SYNPR: variants seen among roughly 807,000 people sequenced by gnomAD.
SYNPR encodes the protein synaptoporin.
A neutral mutation model predicts 32.9 loss-of-function variants in SYNPR; 23 were observed. The observed-to-expected ratio is 0.70, with a 90% CI of 0.50 to 0.99. The LOEUF (loss-of-function observed/expected upper bound fraction) is 0.99. Ranked by LOEUF, SYNPR falls within the 50% of genes least tolerant of loss-of-function variation. The pLI is 0.00. For synonymous variants in SYNPR, 146 were observed against 135.9 expected, an observed-to-expected ratio of 1.07 and a Z score of -0.52; for missense variants, 318 against 349.3, an observed-to-expected ratio of 0.91 and a Z score of 0.71.
chr3:63,265,457 G>A (rs1420732865), intron 2 of SYNPR, among the ~76,000 whole-genome samples: 1 of 151,896 alleles, frequency 6.6e-6, no homozygotes. Context: ...TCACCATGTT[G>A]GCCAGGCTGG....
intron 2 of SYNPR, among the ~76,000 whole-genome samples, chr3:63,463,131 A>G (rs535956493): frequency 3.9e-5 from 6 of 152,174 alleles, no homozygotes; most frequent in Non-Finnish European, 8.8e-5. Flanking sequence ...TGGGTTTCTC[A>G]GAAGGATTCT....
chr3:63,568,329 G>A (rs1702828208), intron 4 of SYNPR, among the ~76,000 whole-genome samples: 1 of 152,156 alleles, frequency 6.6e-6, no homozygotes, highest in Admixed American at 6.5e-5. Flanking sequence ...TCACCACAGT[G>A]CTGTATTGCC....
intron 2 of SYNPR, among the ~76,000 whole-genome samples, chr3:63,457,431 A>C (rs1277611432): frequency 1.3e-5 from 2 of 151,944 alleles, no homozygotes; most frequent in African/African-American, 4.8e-5. Flanking sequence ...TAGGATATTT[A>C]TGTCTCACCA....
At chr3:63,232,751 A>T (rs910815738) in intron 1 of SYNPR, among the ~76,000 whole-genome samples, 2 of 152,140 alleles carry the variant, frequency 1.3e-5, no homozygotes, top group African/African-American at 4.8e-5. Flanking sequence ...TTAACATCCT[A>T]TAATTGCTGT....
chr3:63,569,507 T>C (rs1702849354), intron 4 of SYNPR, among the ~76,000 whole-genome samples: 1 of 152,210 alleles, frequency 6.6e-6, no homozygotes, highest in Admixed American at 6.5e-5. Flanking sequence ...TAAAAATAAC[T>C]TGTTCTAAGG....
upstream of SYNPR, among the ~76,000 whole-genome samples, chr3:63,225,780 C>T (rs906147501): frequency 8.5e-5 from 13 of 152,048 alleles, no homozygotes; most frequent in African/African-American, 2.4e-4. Context: ...AAAGCATAGA[C>T]GATTAAAGCA....
intron 4 of SYNPR, among the ~76,000 whole-genome samples, chr3:63,594,597 T>G (rs6765558): frequency 2.0e-3 from 302 of 152,268 alleles, no homozygotes; most frequent in African/African-American, 6.7e-3. Context: ...GTTTAAGTAA[T>G]TTATCCCAAC....
chr3:63,459,765 A>T (rs1700547388), intron 2 of SYNPR, among the ~76,000 whole-genome samples: 1 of 151,750 alleles, frequency 6.6e-6, no homozygotes, highest in African/African-American at 2.4e-5. Flanking sequence ...GGGTCCCTAA[A>T]CTCTGAACTG....
intron 3 of SYNPR, among the ~76,000 whole-genome samples, chr3:63,555,787 A>G (rs1396980892): frequency 1.3e-5 from 2 of 152,212 alleles, no homozygotes; most frequent in South Asian, 2.1e-4. Flanking sequence ...GATTCCCACT[A>G]TCATGGAGAA....
intron 2 of SYNPR, among the ~76,000 whole-genome samples, chr3:63,394,091 C>T (rs945458905): frequency 2.6e-5 from 4 of 152,136 alleles, no homozygotes; most frequent in African/African-American, 4.8e-5. Context: ...AATACTTCCC[C>T]CCTACCAGGT....
At chr3:63,614,467 A>T (rs1006848803) in intron 5 of SYNPR, among the ~76,000 whole-genome samples, 5 of 152,206 alleles carry the variant, frequency 3.3e-5, no homozygotes, top group Admixed American at 3.3e-4. Flanking sequence ...TCCATAGGAA[A>T]GTTTCACATC....
intron 2 of SYNPR, among the ~76,000 whole-genome samples, chr3:63,415,715 C>T (rs774603662): frequency 2.6e-5 from 4 of 152,218 alleles, no homozygotes; most frequent in Admixed American, 2.6e-4. Flanking sequence ...GTTGCAAACA[C>T]AAATAATTAA....
intron 4 of SYNPR, among the ~76,000 whole-genome samples, chr3:63,583,636 C>A (rs1703131274): frequency 2.0e-5 from 3 of 152,070 alleles, no homozygotes; most frequent in South Asian, 4.1e-4. Flanking sequence ...AAAATAAGTT[C>A]TCTAAAAACA....
At chr3:63,483,474 C>T (rs1424194557) in intron 3 of SYNPR, among the ~76,000 whole-genome samples, 1 of 152,050 alleles carries the variant, frequency 6.6e-6, no homozygotes, top group Non-Finnish European at 1.5e-5. Flanking sequence ...TGGAAGGATA[C>T]AGACAAACAG....
At chr3:63,562,237 G>A (rs1442616737) in intron 4 of SYNPR, among the ~76,000 whole-genome samples, 1 of 152,130 alleles carries the variant, frequency 6.6e-6, no homozygotes, top group Non-Finnish European at 1.5e-5. Context: ...GTCAAATAAT[G>A]AGGATTTAGT....
At chr3:63,269,144 G>T (rs949249665) in intron 3 of SYNPR, among the ~76,000 whole-genome samples, 4 of 152,150 alleles carry the variant, frequency 2.6e-5, no homozygotes, top group Non-Finnish European at 4.4e-5. Context: ...CCATGGAAAG[G>T]TGGGTGTGGG....
chr3:63,356,572 C>T (rs2087580616), intron 2 of SYNPR, among the ~76,000 whole-genome samples: 1 of 152,156 alleles, frequency 6.6e-6, no homozygotes, highest in South Asian at 2.1e-4. Flanking sequence ...TCCCTGAATC[C>T]CAGACTGGGT....
chr3:63,576,022 C>T (rs1032208059), intron 4 of SYNPR, among the ~76,000 whole-genome samples: 3 of 152,098 alleles, frequency 2.0e-5, no homozygotes, highest in African/African-American at 7.2e-5. Flanking sequence ...AAGTTACTAT[C>T]TTTAACTTTA....
intron 3 of SYNPR, among the ~76,000 whole-genome samples, chr3:63,502,048 A>G (rs1701492240): frequency 6.6e-6 from 1 of 152,204 alleles, no homozygotes; most frequent in African/African-American, 2.4e-5. Context: ...TATTGATTAC[A>G]CATAGATGCA....
Sources: allele counts gnomAD v4.1 joint callset (sites outside exome capture counted in the v4.1 genomes callset), GRCh38; gene constraint gnomAD v4.1.1; transcripts MANE v1.5; gene names NCBI Gene and HGNC (gene_info 2026-07-23, HGNC 2026-07-21).